The following TOGARAM2 variants were observed in gnomAD, a reference collection of about 807,000 sequenced individuals.
The protein encoded by TOGARAM2 is TOG array regulator of axonemal microtubules 2, also known as TOG array regulator of axonemal microtubules protein 2.
A neutral mutation model predicts 93.3 loss-of-function variants in TOGARAM2; 85 were observed. The ratio of observed to expected loss-of-function variants is 0.91; its 90% CI spans 0.76 to 1.09. The LOEUF (loss-of-function observed/expected upper bound fraction) is 1.09, where lower values mean the gene tolerates loss of function less well. Among genes scored for constraint, TOGARAM2 ranks in the 50% least tolerant of loss-of-function variants. The pLI is 0.00. For synonymous variants in TOGARAM2, 593 were observed against 552.8 expected (o/e 1.07, Z -1.02); for missense variants, 1,277 against 1,334.5 (o/e 0.96, Z 0.67).
In TOGARAM2 at chr2:29,011,444, G is replaced by T; in HGVS notation, c.831-11G>T. The T allele has an allele frequency of 4.3e-6, 7 of 1,610,366 alleles. No homozygotes were observed. The highest frequency in any genetic ancestry group is 5.9e-6 in the Non-Finnish European group (7 of 1,178,436). On this transcript the variant is annotated splice_polypyrimidine_tract_variant and intron_variant, in intron 6 of 19. Transcript: ENST00000379558. ...CCCTCATGATGCTTTTCTCTCCCCCGTTCTTTTAAGATTGGCTCGGGGGAG... is the reference window on the plus strand; with the variant it reads ...CCCTCATGATGCTTTTCTCTCCCCCTTTCTTTTAAGATTGGCTCGGGGGAG...
chr2:29,015,179 T>C (rs1250357247), intron 8 of TOGARAM2, among the ~76,000 whole-genome samples: 2 of 145,032 alleles, frequency 1.4e-5, no homozygotes, highest in Admixed American at 1.4e-4. Context: ...ATATTCTCTG[T>C]TAGAGACTGG....
intron 1 of TOGARAM2, among the ~76,000 whole-genome samples, chr2:28,975,226 T>A (rs1389972414): frequency 3.3e-5 from 5 of 152,126 alleles, no homozygotes; most frequent in Non-Finnish European, 7.3e-5. Context: ...TCTCACTCTG[T>A]CACCCAGGCT....
intron 1 of TOGARAM2, among the ~76,000 whole-genome samples, chr2:28,962,378 G>T (rs1671813742): frequency 6.6e-6 from 1 of 152,038 alleles, no homozygotes; most frequent in Non-Finnish European, 1.5e-5. Context: ...GTTTCAGCAT[G>T]TTGGCGAGGC....
chr2:28,983,493 G>A (rs1382123255), intron 1 of TOGARAM2, among the ~76,000 whole-genome samples: 6 of 151,984 alleles, frequency 3.9e-5, no homozygotes, highest in African/African-American at 9.7e-5. Context: ...TGGGGCAGTC[G>A]TTTGTTTCAT....
chr2:29,026,990 A>G lies in TOGARAM2; in HGVS notation c.1991A>G (p.Gln664Arg). Residue 664 changes from glutamine (Q) to arginine (R), a missense_variant, in exon 14 of 20, where the codon CAG (glutamine) becomes CGG (arginine). Coordinates refer to ENST00000379558, the MANE Select transcript of TOGARAM2 (RefSeq NM_199280.4). ...MLVHNLVRLA[Q>R]DSNQDTRFYG... ...GTGCACAACCTGGTGAGGCTGGCAC[A>G]GGACTCCAACCAGGACACCAGGTAG... 3 of 1,563,454 alleles carry G rather than the reference A, an allele frequency of 1.9e-6. No homozygotes were observed. Among genetic ancestry groups the G allele is most frequent in the Non-Finnish European group, 2.6e-6 (3 of 1,153,854 alleles).
In TOGARAM2 at chr2:28,973,073, A is replaced by G. The variant is rs550075136; in HGVS notation, c.-147+16376A>G. On this transcript the variant is annotated intron_variant, in intron 1 of 6. Coordinates refer to the TOGARAM2 transcript ENST00000401723. Reference sequence around the variant, plus strand: ...TTTTGTCTTCGCTGTTGCTCATGTGATGTGGTCTAGAGTCCTGCACCTTCA... The same window carrying G: ...TTTTGTCTTCGCTGTTGCTCATGTGGTGTGGTCTAGAGTCCTGCACCTTCA... Among the ~76,000 whole-genome samples the G allele has an allele frequency of 2.0e-4, 30 of 152,032 alleles. No individual in the cohort carries two copies. The South Asian group carries it at 6.0e-3, about 31-fold the overall frequency.
intron 5 of TOGARAM2, 68 bp from the exon 6 acceptor site, chr2:29,003,424 G>C: frequency 1.5e-6 from 2 of 1,306,146 alleles, no homozygotes; most frequent in Non-Finnish European, 2.0e-6. Context: ...TGTGTGAGGT[G>C]CCTGGAGGTG....
intron 4 of TOGARAM2, among the ~76,000 whole-genome samples, chr2:29,000,688 GT>G (rs1176045640): frequency 6.6e-6 from 1 of 152,118 alleles, no homozygotes; most frequent in Admixed American, 6.5e-5. Flanking sequence ...GTGGTTGGCT[GT>G]TCTTCCCCTC....
At position 28,960,488 on chromosome 2, in the gene TOGARAM2, C is replaced by G. The variant is rs534700021; in HGVS notation, c.-147+3791C>G. ...TTTTCAAATCAGGATCCAATCCACACTCACTCACTGGGTTTGTTTGTCAAG... is the reference window on the plus strand; with the variant it reads ...TTTTCAAATCAGGATCCAATCCACAGTCACTCACTGGGTTTGTTTGTCAAG... On this transcript the variant is annotated intron_variant, in intron 1 of 6. Transcript: ENST00000401723. Among the ~76,000 whole-genome samples, 14 of 152,312 alleles carry G rather than the reference C, an allele frequency of 9.2e-5. No homozygotes were observed. In the South Asian group the frequency reaches 2.9e-3, roughly 32 times the overall value.
intron 1 of TOGARAM2, among the ~76,000 whole-genome samples, chr2:28,987,567 G>A (rs985961750): frequency 4.6e-5 from 7 of 152,152 alleles, no homozygotes; most frequent in Admixed American, 3.3e-4. Context: ...GGGATTACAG[G>A]TGTGAGCCAC....
In TOGARAM2 at chr2:29,017,226, C is replaced by A; in HGVS notation, c.1117C>A (p.Arg373=). The change falls in exon 9 of 20, where the codon CGG becomes AGG. Residue 373 remains arginine, a synonymous_variant. Transcript: ENST00000379558. ...GCAGATGAAGGAGATGGAGCTGCTT[C>A]GGAGGCTGGAGGAGCCCAGGACAGG... ...LKQMKEMELL[R]RLEEPRTGQE... is the part of the protein sequence containing the mutation. 6.2e-7 allele frequency: 1 copy of A among 1,613,914 alleles called. No homozygotes were observed. The highest frequency in any genetic ancestry group is 1.7e-5 in the Admixed American group (1 of 60,000).
In TOGARAM2 at chr2:29,017,171, C is replaced by G. The variant is rs752483257; in HGVS notation, c.1062C>G (p.Ser354=). The G allele has an allele frequency of 6.2e-7, 1 of 1,613,496 alleles. No homozygotes were observed. The highest frequency in any genetic ancestry group is 8.5e-7 in the Non-Finnish European group (1 of 1,179,680). Residue 354 remains serine, a synonymous_variant, in exon 9 of 20, where the codon TCC becomes TCG. Coordinates refer to ENST00000379558, the MANE Select transcript of TOGARAM2 (RefSeq NM_199280.4). ...TGTGCCAGATCCAAGTCACCATCTC[C>G]AAGTCTGCCCGGGAGAAGATGCAGC... is the stretch of plus-strand genomic sequence containing the variant. ...EIGTKIQVTI[S]KSAREKMQLK...
At chr2:29,003,750 C>T (rs1673457722) in intron 6 of TOGARAM2, 68 bp downstream of exon 6, 2 of 1,289,538 alleles carry the variant, frequency 1.6e-6, no homozygotes, top group African/African-American at 3.1e-5. Flanking sequence ...TCCACTGGGG[C>T]TCCTTGTGGC....
At chr2:28,974,635 A>C (rs1289572973) in intron 1 of TOGARAM2, among the ~76,000 whole-genome samples, 1 of 148,494 alleles carries the variant, frequency 6.7e-6, no homozygotes, top group African/African-American at 2.5e-5. Context: ...ATTTTTTGAG[A>C]CAGGGTCTTG....
intron 8 of TOGARAM2, among the ~76,000 whole-genome samples, chr2:29,015,952 A>G (rs1212079907): frequency 6.6e-6 from 1 of 152,072 alleles, no homozygotes; most frequent in Non-Finnish European, 1.5e-5. Flanking sequence ...TACCATCTCT[A>G]TGCTGAGGAC....
At chr2:28,997,597 G>C (rs966917604) in intron 2 of TOGARAM2, among the ~76,000 whole-genome samples, 7 of 152,234 alleles carry the variant, frequency 4.6e-5, no homozygotes, top group African/African-American at 1.4e-4. Flanking sequence ...GACGTTAGGA[G>C]AGAAGAGGGA....
At chr2:28,997,356 C>A (rs1034248385) in intron 2 of TOGARAM2, among the ~76,000 whole-genome samples, 34 of 152,358 alleles carry the variant, frequency 2.2e-4, no homozygotes, top group African/African-American at 8.2e-4. Context: ...ACTCCTGCTC[C>A]CTGTATGCTC....
rs971238835 is a variant in TOGARAM2 at position 29,014,616 on chromosome 2, A to G, written c.1044+55A>G. 2.7e-5 allele frequency: 42 copies of G among 1,535,026 alleles called. No homozygotes were observed. The African/African-American group carries it at 4.3e-4, about 16-fold the overall frequency. The stretch of plus-strand genomic sequence containing the variant: ...GGGGCTGGAGTGGACCGCAGGCTGC[A>G]GGAAGGCAAGCAAGTGTCTGAAGTA... On this transcript the variant is annotated intron_variant, in intron 8 of 19. Coordinates refer to ENST00000379558, the MANE Select transcript of TOGARAM2 (RefSeq NM_199280.4).
rs1462352951 is a variant in TOGARAM2 at position 29,024,174 on chromosome 2, C to T, written c.1653C>T (p.Ala551=). ...TGCGGTCCAAGGTGTCTCACCTGGC[C>T]ATCAGCACCTTGGGAGACCTCTTCC... The part of the protein sequence containing the change: ...TNLRSKVSHL[A]ISTLGDLFQA... Residue 551 remains alanine (A), a synonymous_variant, in exon 13 of 20, where the codon GCC becomes GCT. Transcript: ENST00000379558. The T allele has an allele frequency of 6.3e-7, 1 of 1,596,562 alleles. No individual in the cohort carries two copies. Among genetic ancestry groups the T allele is most frequent in the South Asian group, 1.1e-5 (1 of 87,938 alleles).
Sources: gnomAD v4.1 joint callset for allele counts (sites outside exome capture counted in the v4.1 genomes callset) on GRCh38, gnomAD v4.1.1 for gene constraint, MANE v1.5 for transcripts, NCBI Gene and HGNC (gene_info 2026-07-23, HGNC 2026-07-21) for gene names.